OPCML: variants seen among roughly 807,000 people sequenced by gnomAD.
OPCML encodes the protein opioid-binding protein/cell adhesion molecule.
OPCML carries 13 observed loss-of-function variants against 37.8 expected under a neutral mutation model. That is an observed-to-expected ratio of 0.34 (90% CI 0.22 to 0.55). The LOEUF is 0.55. Among genes scored for constraint, OPCML ranks in the 20% least tolerant of loss-of-function variants. The pLI is 0.91. For missense variants in OPCML, 341 were observed against 435.6 expected (o/e 0.78, Z 1.93); for synonymous variants, 176 against 168.8 (o/e 1.04, Z -0.33).
intron 7 of OPCML, among the ~76,000 whole-genome samples, chr11:132,427,857 A>G (rs1158560999): frequency 6.6e-6 from 1 of 152,198 alleles, no homozygotes; most frequent in Non-Finnish European, 1.5e-5. Context: ...CAAGAATGAA[A>G]TGGGAAATGT....
chr11:133,481,395 TAGAGCCCA>T (rs1947367136), intron 1 of OPCML, among the ~76,000 whole-genome samples: 1 of 151,986 alleles, frequency 6.6e-6, no homozygotes, highest in South Asian at 2.1e-4. Flanking sequence ...GACACAGTAT[TAGAGCCCA>T]AGTCTCTGCC....
At chr11:132,873,139 G>A (rs1407668981) in intron 2 of OPCML, among the ~76,000 whole-genome samples, 1 of 152,082 alleles carries the variant, frequency 6.6e-6, no homozygotes, top group Non-Finnish European at 1.5e-5. Flanking sequence ...GAGGCTTAAT[G>A]TTTCTTCCAG....
chr11:132,614,252 A>G (rs1938846624), intron 3 of OPCML, among the ~76,000 whole-genome samples: 2 of 152,190 alleles, frequency 1.3e-5, no homozygotes, highest in South Asian at 4.2e-4. Context: ...TGGAACACCC[A>G]TCTTCTCCCT....
At chr11:133,242,374 G>C (rs914151942) in intron 1 of OPCML, among the ~76,000 whole-genome samples, 1 of 152,114 alleles carries the variant, frequency 6.6e-6, no homozygotes. Context: ...TAATCTGCTC[G>C]GGCTGCTGAA....
At chr11:133,313,754 C>T (rs931785359) in intron 1 of OPCML, among the ~76,000 whole-genome samples, 1 of 152,102 alleles carries the variant, frequency 6.6e-6, no homozygotes, top group African/African-American at 2.4e-5. Flanking sequence ...ACCATCCTAC[C>T]GACACCCTGA....
At chr11:133,503,673 A>G (rs1425083402) in intron 1 of OPCML, among the ~76,000 whole-genome samples, 1 of 152,240 alleles carries the variant, frequency 6.6e-6, no homozygotes, top group African/African-American at 2.4e-5. Context: ...TTCCTGGGAC[A>G]TGGGATCTAT....
At chr11:133,098,493 G>A (rs890434008) in intron 1 of OPCML, among the ~76,000 whole-genome samples, 19 of 152,084 alleles carry the variant, frequency 1.2e-4, no homozygotes, top group African/African-American at 4.3e-4. Context: ...GGGATTACAG[G>A]TGTGAGCCAC....
In OPCML at chr11:133,276,563, T is replaced by G. The variant is rs77482858; in HGVS notation, c.61+255701A>C. Among the ~76,000 whole-genome samples the G allele has an allele frequency of 3.9e-5, 6 of 152,194 alleles. No individual in the cohort carries two copies. The South Asian group carries it at 1.2e-3, about 32-fold the overall frequency. ...TCCATATACATCCAAAAGCGTAATA[T>G]TGAAAAACAGATTCTGACCTTGGCA... On this transcript the variant is annotated intron_variant, in intron 1 of 7. Coordinates refer to ENST00000524381, the MANE Select transcript of OPCML (RefSeq NM_001012393.5).
Position 133,258,447 on chromosome 11 carries a change from T to C in OPCML, c.61+273817A>G, listed in dbSNP as rs139145479. On this transcript the variant is annotated intron_variant, in intron 1 of 7. Transcript: ENST00000524381. ...AAGGGAAGGCTTGCCGATGAGCACG[T>C]GACCTACAGGCACAGTCTCTCTTCA... Among the ~76,000 whole-genome samples, 216 of 152,282 alleles carry C rather than the reference T, an allele frequency of 1.4e-3. 5 individuals are homozygous for C. The highest frequency in any genetic ancestry group is 0.01 in the Middle Eastern group (3 of 294).
At chr11:132,837,347 C>CAAAA (rs762443178) in intron 2 of OPCML, among the ~76,000 whole-genome samples, 2 of 150,604 alleles carry the variant, frequency 1.3e-5, no homozygotes, top group African/African-American at 4.9e-5. Flanking sequence ...AACAAACAAA[C>CAAAA]AAAACAGTAA....
intron 1 of OPCML, among the ~76,000 whole-genome samples, chr11:132,995,479 C>CTCCT (rs150751221): frequency 1.0e-3 from 150 of 149,482 alleles, no homozygotes; most frequent in African/African-American, 3.5e-3. Flanking sequence ...CCCTCTGTCT[C>CTCCT]TCCTTCCTTC....
chr11:132,432,846 A>C (rs538078752), intron 7 of OPCML, among the ~76,000 whole-genome samples: 5 of 152,228 alleles, frequency 3.3e-5, no homozygotes, highest in Admixed American at 6.5e-5. Context: ...GAAACAAGGA[A>C]TCTATCTGTT....
intron 3 of OPCML, among the ~76,000 whole-genome samples, chr11:132,540,529 T>C (rs2096353637): frequency 6.6e-6 from 1 of 152,198 alleles, no homozygotes; most frequent in Admixed American, 6.5e-5. Flanking sequence ...TATTTGGTCT[T>C]ATATACTCTG....
chr11:133,518,351 A>G (rs1424977359), intron 1 of OPCML, among the ~76,000 whole-genome samples: 1 of 150,214 alleles, frequency 6.7e-6, no homozygotes, highest in Non-Finnish European at 1.5e-5. Context: ...GTTTGTGCTC[A>G]TATGGGTGGG....
intron 1 of OPCML, among the ~76,000 whole-genome samples, chr11:133,152,571 C>CT (rs551214193): frequency 2.2e-5 from 1 of 45,678 alleles, no homozygotes; most frequent in African/African-American, 1.9e-4. Flanking sequence ...CCCTCCTGAT[C>CT]CCCCCCCAAC....
chr11:133,355,848 G>A (rs561246809), intron 1 of OPCML, among the ~76,000 whole-genome samples: 323 of 152,300 alleles, frequency 2.1e-3, no homozygotes, highest in Non-Finnish European at 2.5e-3. Context: ...CAGTTGCAGC[G>A]AGCAAGGTCT....
intron 1 of OPCML, among the ~76,000 whole-genome samples, chr11:133,115,734 T>TTA (rs1949323524): frequency 6.6e-6 from 1 of 152,140 alleles, no homozygotes; most frequent in Non-Finnish European, 1.5e-5. Context: ...GTAAGTTTAT[T>TTA]TATATATAAT....
chr11:132,758,785 C>T (rs946375059), intron 2 of OPCML, among the ~76,000 whole-genome samples: 1 of 152,034 alleles, frequency 6.6e-6, no homozygotes, highest in South Asian at 2.1e-4. Flanking sequence ...ATTTGAATAC[C>T]CTTTATTTCT....
intron 1 of OPCML, among the ~76,000 whole-genome samples, chr11:133,513,570 T>C (rs1052830015): frequency 6.6e-6 from 1 of 152,190 alleles, no homozygotes; most frequent in Non-Finnish European, 1.5e-5. Context: ...TGCGCTTCCA[T>C]AGGATTGTTT....
Sources: gnomAD v4.1 joint callset for allele counts (sites outside exome capture counted in the v4.1 genomes callset) on GRCh38, gnomAD v4.1.1 for gene constraint, MANE v1.5 for transcripts, NCBI Gene and HGNC (gene_info 2026-07-23, HGNC 2026-07-21) for gene names.